CACNA1B: variants seen among roughly 807,000 people sequenced by gnomAD.
The protein encoded by CACNA1B is voltage-dependent N-type calcium channel subunit alpha-1B.
In CACNA1B, 70 loss-of-function variants were observed where a neutral mutation model predicts 247.2. The observed-to-expected ratio is 0.28, with a 90% confidence interval of 0.23 to 0.35. The LOEUF (loss-of-function observed/expected upper bound fraction) is 0.35. CACNA1B is among the 10% of genes least tolerant of loss of function. CACNA1B has a pLI of 1.00. For synonymous variants in CACNA1B, 1,231 were observed against 1,294.4 expected (o/e 0.95, Z 1.05); for missense variants, 2,367 against 3,197.4 (o/e 0.74, Z 6.26).
chr9:138,069,989 C>G (rs1039317006), intron 32 of CACNA1B, among the ~76,000 whole-genome samples: 2 of 152,124 alleles, frequency 1.3e-5, no homozygotes, highest in Admixed American at 1.3e-4. Flanking sequence ...GGGAACTGGC[C>G]GTGGGCAGGG....
At chr9:137,935,551 C>T (rs904996109) in intron 6 of CACNA1B, among the ~76,000 whole-genome samples, 3 of 152,138 alleles carry the variant, frequency 2.0e-5, no homozygotes, top group Admixed American at 1.3e-4. Flanking sequence ...GTGAATAGTG[C>T]CACAATAAAC....
In CACNA1B at chr9:138,041,214, C is replaced by T. The variant is rs554003356; in HGVS notation, c.3287-2560C>T. Reference sequence around the variant, plus strand: ...TTTGGGGATGATTCCTATTCAGCTTCCCCACCTTGAAGCGAACCCAAGGCT... The same window carrying T: ...TTTGGGGATGATTCCTATTCAGCTTTCCCACCTTGAAGCGAACCCAAGGCT... On this transcript the variant is annotated intron_variant, in intron 20 of 46. Coordinates refer to ENST00000371372, the MANE Select transcript of CACNA1B (RefSeq NM_000718.4). 2.6e-5 allele frequency among the ~76,000 whole-genome samples: 4 copies of T among 152,308 alleles called. No homozygotes were observed. The East Asian group carries it at 7.7e-4, about 29-fold the overall frequency.
Position 138,105,844 on chromosome 9 carries a change from C to T in CACNA1B, c.5428+37C>T, listed in dbSNP as rs1022675977. 15 of 1,120,998 alleles carry T rather than the reference C, an allele frequency of 1.3e-5. 1 individual carries two copies. The highest frequency in any genetic ancestry group is 1.0e-4 in the East Asian group (4 of 38,972). 69.4% of individuals were successfully genotyped at this position (1,120,998 alleles called of 1,614,324 possible). A position where few individuals can be genotyped will look rare whatever the true frequency, so the allele number is the denominator to read the frequency against. On this transcript the variant is annotated intron_variant, in intron 39 of 46. Transcript: ENST00000371372. ...AGCCTCGGAAGGAGGGCCCTGGACC[C>T]AGGGATGTGCACCTCCGCCCTCAGT... is the stretch of plus-strand genomic sequence containing the variant.
intron 38 of CACNA1B, among the ~76,000 whole-genome samples, chr9:138,104,378 A>G (rs1364072109): frequency 6.6e-6 from 1 of 151,506 alleles, no homozygotes; most frequent in Non-Finnish European, 1.5e-5. Context: ...GCTATCCCCA[A>G]CGCCCCCCAA....
Position 138,059,168 on chromosome 9 carries a change from G to T in CACNA1B, c.4563G>T (p.Lys1521Asn). 3 of 1,610,092 alleles carry T rather than the reference G, an allele frequency of 1.9e-6. No homozygotes were observed. Among genetic ancestry groups the T allele is most frequent in the Non-Finnish European group, 2.5e-6 (3 of 1,176,482 alleles). The change falls in exon 30 of 47, where the codon AAG becomes AAT. Residue 1521 changes from lysine (K) to asparagine (N), a missense_variant. Physicochemically the swap from Lys to Asn is moderately conservative, Grantham distance 94. Coordinates refer to ENST00000371372, the MANE Select transcript of CACNA1B (RefSeq NM_000718.4). The surrounding 1 kb of genome is among the most constrained non-coding windows in gnomAD (Gnocchi z 4.2). ...TSMFSMECVL[K>N]IIAFGVLNYF... Reference sequence around the variant, plus strand: ...TGTTCTCCATGGAATGCGTGCTGAAGATCATCGCCTTTGGGGTGCTGGTAC... The same window carrying T: ...TGTTCTCCATGGAATGCGTGCTGAATATCATCGCCTTTGGGGTGCTGGTAC...
chr9:137,906,803 A>G (rs1346516172), intron 3 of CACNA1B, among the ~76,000 whole-genome samples: 1 of 150,788 alleles, frequency 6.6e-6, no homozygotes, highest in Non-Finnish European at 1.5e-5. Context: ...ATGCCATGTG[A>G]TGTATTATTT....
rs1957455639 is a variant in CACNA1B at position 137,919,710 on chromosome 9, G to A, written c.966+2279G>A. 6.6e-6 allele frequency among the ~76,000 whole-genome samples: 1 copy of A among 152,248 alleles called. No individual in the cohort carries two copies. The highest frequency in any genetic ancestry group is 2.4e-5 in the African/African-American group (1 of 41,472). The stretch of plus-strand genomic sequence containing the variant: ...GAAGCCCACGGCCTGCAGTAGGGGT[G>A]GAGGCAGAGAGATGGAAAGCTCAGT... On this transcript the variant is annotated intron_variant, in intron 6 of 46. Coordinates refer to ENST00000371372, the MANE Select transcript of CACNA1B (RefSeq NM_000718.4). This position sits in a 1 kb window ranked among gnomAD's most constrained non-coding sequence, Gnocchi z 4.6.
chr9:137,980,214 G>A (rs1178777376), intron 12 of CACNA1B, among the ~76,000 whole-genome samples: 1 of 152,238 alleles, frequency 6.6e-6, no homozygotes, highest in Non-Finnish European at 1.5e-5. Flanking sequence ...TTATGGATAT[G>A]TTGTGAAGCT....
chr9:137,909,115 C>T (rs537706734), intron 3 of CACNA1B, among the ~76,000 whole-genome samples: 7 of 151,836 alleles, frequency 4.6e-5, no homozygotes, highest in South Asian at 2.1e-4. Flanking sequence ...CTCAGCCTCC[C>T]GAGTAGCTGG....
chr9:137,925,532 T>C (rs1041359848), intron 6 of CACNA1B, among the ~76,000 whole-genome samples: 4 of 152,222 alleles, frequency 2.6e-5, no homozygotes, highest in Non-Finnish European at 5.9e-5. Flanking sequence ...ATTGCTAGTA[T>C]ATAGAAATAC....
rs115047744 is a variant in CACNA1B, at chr9:137,905,704, C to T, written c.531-7476C>T. On this transcript the variant is annotated intron_variant, in intron 3 of 46. Transcript: ENST00000371372. ...CACAGGGCCAATGTAATGCTAAATA[C>T]AGCTTCATATGGTCTGATAAATTCT... 7.6e-3 allele frequency among the ~76,000 whole-genome samples: 1,163 copies of T among 152,308 alleles called. 16 individuals are homozygous for T. The highest frequency in any genetic ancestry group is 0.026 in the African/African-American group (1,088 of 41,554).
chr9:137,949,178 A>T (rs1336121195), intron 6 of CACNA1B, among the ~76,000 whole-genome samples: 1 of 1,926 alleles, frequency 5.2e-4, no homozygotes, highest in Non-Finnish European at 1.3e-3. Context: ...TTGTGTGTCC[A>T]GTGTGTGTGT....
In CACNA1B at chr9:137,948,471, C is replaced by G. The variant is rs1589025900; in HGVS notation, c.967-3803C>G. On this transcript the variant is annotated intron_variant, in intron 6 of 46. Coordinates refer to ENST00000371372, the MANE Select transcript of CACNA1B (RefSeq NM_000718.4). ...TGATTCCTTCCACATCCCCTTCATT[C>G]TCTTGTTATGCATTTTCATTGAGAT... is the stretch of plus-strand genomic sequence containing the variant. Among the ~76,000 whole-genome samples, 7 of 152,220 alleles carry G rather than the reference C, an allele frequency of 4.6e-5. 1 individual carries two copies. In the South Asian group the frequency reaches 1.4e-3, roughly 32 times the overall value.
intron 39 of CACNA1B, among the ~76,000 whole-genome samples, chr9:138,106,453 A>G (rs542780176): frequency 4.3e-4 from 66 of 152,320 alleles, no homozygotes; most frequent in African/African-American, 1.5e-3. Flanking sequence ...GTCAGCATAT[A>G]AACACCCGAT....
At position 138,056,617 on chromosome 9, in the gene CACNA1B, C is replaced by T. The variant is rs190831241; in HGVS notation, c.3969-1115C>T. Among the ~76,000 whole-genome samples the T allele has an allele frequency of 4.3e-3, 648 of 152,268 alleles. 3 individuals carry two copies. Among genetic ancestry groups the T allele is most frequent in the Admixed American group, 6.7e-3 (103 of 15,294 alleles). ...GTGGAATTAATGAGTGATTGGGTAA[C>T]TCTGTGTTTAACTGTTTGAGGAAAT... On this transcript the variant is annotated intron_variant, in intron 26 of 46. Transcript: ENST00000371372.
chr9:138,051,102 GCTCCCACCCTCAC>G lies in CACNA1B; in HGVS notation c.3711-981_3711-969del, dbSNP rs1428629243. ...AATCCCACTCAGTCCTGAGTCCTCA[GCTCCCACCCTCAC>G]CTCCCACCAAGTAGAGTGGCTTTGC... On this transcript the variant is annotated intron_variant, in intron 24 of 46. Coordinates refer to ENST00000371372, the MANE Select transcript of CACNA1B (RefSeq NM_000718.4). This position sits in a 1 kb window ranked among gnomAD's most constrained non-coding sequence, Gnocchi z 4.3. Among the ~76,000 whole-genome samples, 6 of 152,066 alleles carry G rather than the reference GCTCCCACCCTCAC, an allele frequency of 3.9e-5. No homozygotes were observed. Among genetic ancestry groups the G allele is most frequent in the African/African-American group, 1.2e-4 (5 of 41,406 alleles).
chr9:137,909,344 A>C (rs1335877892), intron 3 of CACNA1B, among the ~76,000 whole-genome samples: 1 of 152,164 alleles, frequency 6.6e-6, no homozygotes, highest in Non-Finnish European at 1.5e-5. Flanking sequence ...CCTATTAAGC[A>C]AGAACTCCCC....
chr9:138,121,421 T>C lies in CACNA1B; in HGVS notation c.6490-48T>C. 2 of 1,056,658 alleles carry C rather than the reference T, an allele frequency of 1.9e-6. No homozygotes were observed. The highest frequency in any genetic ancestry group is 1.3e-6 in the Non-Finnish European group (1 of 798,464). The allele number at this position is 1,056,658 out of a possible 1,614,324, so 65.5% of individuals were successfully genotyped here. A position where few individuals can be genotyped will look rare whatever the true frequency, so the allele number is the denominator to read the frequency against. On this transcript the variant is annotated intron_variant, in intron 46 of 46. Transcript: ENST00000371372. This position sits in a 1 kb window ranked among gnomAD's most constrained non-coding sequence, Gnocchi z 6.8. Reference sequence around the variant, plus strand: ...GTGCTCTGTCTGTTGGTTCGGCTTTTTTTTTTTTTTTTTTACCTCTGATTT... The same window carrying C: ...GTGCTCTGTCTGTTGGTTCGGCTTTCTTTTTTTTTTTTTTACCTCTGATTT...
chr9:137,948,195 G>T (rs920658179), intron 6 of CACNA1B, among the ~76,000 whole-genome samples: 1 of 152,120 alleles, frequency 6.6e-6, no homozygotes, highest in East Asian at 1.9e-4. Flanking sequence ...TGGCCAGGCT[G>T]GTCTCGCACT....
Sources: gnomAD v4.1 joint callset for allele counts (sites outside exome capture counted in the v4.1 genomes callset) on GRCh38, gnomAD v4.1.1 for gene constraint, Gnocchi (gnomAD v3.1) non-coding constraint, MANE v1.5 for transcripts, NCBI Gene and HGNC (gene_info 2026-07-23, HGNC 2026-07-21) for gene names.